MLLT10: variants seen among roughly 807,000 people sequenced by gnomAD.
MLLT10 encodes the protein protein AF-10.
A neutral mutation model predicts 129.1 loss-of-function variants in MLLT10; 30 were observed. That is an observed-to-expected ratio of 0.23 (90% CI 0.17 to 0.32). The LOEUF (loss-of-function observed/expected upper bound fraction) is 0.32, where lower values mean the gene tolerates loss of function less well. Ranked by LOEUF, MLLT10 falls within the 10% of genes least tolerant of loss-of-function variation. The pLI is 1.00. For missense variants in MLLT10, 1,119 were observed against 1,268.3 expected, an observed-to-expected ratio of 0.88 and a Z score of 1.79; for synonymous variants, 490 against 446.4, an observed-to-expected ratio of 1.10 and a Z score of -1.23.
chr10:21,717,602 TTCCTCTTCTTCC>T (rs1369592993), intron 14 of MLLT10, among the ~76,000 whole-genome samples: 1 of 125,264 alleles, frequency 8.0e-6, no homozygotes, highest in Non-Finnish European at 1.7e-5. Flanking sequence ...CTCTTCTTTC[TTCCTCTTCTTCC>T]TCCTCTTCCT....
intron 6 of MLLT10, among the ~76,000 whole-genome samples, chr10:21,613,698 T>C (rs1293540212): frequency 6.8e-6 from 1 of 148,130 alleles, no homozygotes; most frequent in East Asian, 2.0e-4. Context: ...AGCTCAGGAG[T>C]TCAGAGCCAC....
intron 14 of MLLT10, among the ~76,000 whole-genome samples, chr10:21,724,942 G>T (rs1434397945): frequency 6.6e-6 from 1 of 152,228 alleles, no homozygotes; most frequent in African/African-American, 2.4e-5. Flanking sequence ...AGTTAGTAGA[G>T]CTGGCTTGCT....
chr10:21,655,819 G>A (rs773682920), intron 9 of MLLT10, among the ~76,000 whole-genome samples: 1 of 152,138 alleles, frequency 6.6e-6, no homozygotes, highest in African/African-American at 2.4e-5. Flanking sequence ...TTTCAGGGTC[G>A]ATCTAAGTTT....
intron 9 of MLLT10, chr10:21,669,113 T>C (rs976170964): frequency 2.0e-5 from 25 of 1,269,954 alleles, no homozygotes; most frequent in Admixed American, 1.7e-4. Flanking sequence ...ATTTTTTTTT[T>C]CCTTTTAAAC....
At chr10:21,722,399 G>A (rs2057196058) in intron 14 of MLLT10, among the ~76,000 whole-genome samples, 1 of 152,156 alleles carries the variant, frequency 6.6e-6, no homozygotes, top group Non-Finnish European at 1.5e-5. Flanking sequence ...TTAGTAATTT[G>A]CTTTCAATGC....
Position 21,743,400 on chromosome 10 carries a change from A to G in MLLT10, c.*1417A>G, listed in dbSNP as rs566507766. ...TAATTGGTAGATTTAATTGAAAAGT[A>G]AAATTAATTTATTTTTATATGTTCA... On this transcript the variant is annotated 3_prime_UTR_variant, in exon 23 of 23. Transcript: ENST00000307729. 1.1e-4 allele frequency: 23 copies of G among 203,516 alleles called. No homozygotes were observed. The East Asian group carries it at 1.7e-3, about 15-fold the overall frequency. 12.6% of individuals were successfully genotyped at this position (203,516 alleles called of 1,614,324 possible). A position where few individuals can be genotyped will look rare whatever the true frequency, so the allele number is the denominator to read the frequency against.
intron 8 of MLLT10, among the ~76,000 whole-genome samples, chr10:21,619,029 T>TAC (rs66469025): frequency 0.077 from 11,055 of 143,728 alleles, 446 homozygotes; most frequent in African/African-American, 0.088. Context: ...CCTGGTGACA[T>TAC]ACACACACAC....
Position 21,733,570 on chromosome 10 carries a change from A to T in MLLT10, c.2474A>T (p.Asn825Ile). The change falls in exon 19 of 23, where the codon AAT becomes ATT. Residue 825 changes from asparagine to isoleucine, a missense_variant. Coordinates refer to ENST00000307729, the MANE Select transcript of MLLT10 (RefSeq NM_001195626.3). Reference sequence around the variant, plus strand: ...ATAGGAAACAGCTTTTTACCTGATAATTCTCTTCCTGTATTAAATCAGGTA... The same window carrying T: ...ATAGGAAACAGCTTTTTACCTGATATTTCTCTTCCTGTATTAAATCAGGTA... ...PHIGNSFLPD[N>I]SLPVLNQDLT... is the part of the protein sequence containing the mutation. 1 of 1,572,868 alleles carries T rather than the reference A, an allele frequency of 6.4e-7. No individual in the cohort carries two copies. Among genetic ancestry groups the T allele is most frequent in the Non-Finnish European group, 8.6e-7 (1 of 1,163,226 alleles).
At chr10:21,690,082 G>A (rs1447093452) in intron 13 of MLLT10, among the ~76,000 whole-genome samples, 3 of 152,112 alleles carry the variant, frequency 2.0e-5, no homozygotes, top group South Asian at 2.1e-4. Context: ...GGCCACTTAG[G>A]GGGTAGTAAC....
intron 13 of MLLT10, among the ~76,000 whole-genome samples, chr10:21,699,110 G>T (rs1293191017): frequency 6.6e-6 from 1 of 152,114 alleles, no homozygotes; most frequent in African/African-American, 2.4e-5. Context: ...CCTGACCTCA[G>T]GTGATCCACC....
intron 4 of MLLT10, among the ~76,000 whole-genome samples, chr10:21,588,176 C>A (rs560141196): frequency 6.6e-6 from 1 of 152,300 alleles, no homozygotes; most frequent in East Asian, 1.9e-4. Context: ...AAGCGATTCT[C>A]CTGCCTCAGC....
intron 8 of MLLT10, chr10:21,624,954 G>C: frequency 7.7e-7 from 1 of 1,305,854 alleles, no homozygotes; most frequent in Non-Finnish European, 1.1e-6. Context: ...CCCCCTTGGT[G>C]GTGGTGAAGC....
intron 5 of MLLT10, among the ~76,000 whole-genome samples, chr10:21,600,460 C>G (rs2043417302): frequency 6.6e-6 from 1 of 151,798 alleles, no homozygotes; most frequent in South Asian, 2.1e-4. Flanking sequence ...AAATTCCTGA[C>G]TTATGTTCAT....
intron 16 of MLLT10, 73 bp downstream of exon 16, chr10:21,728,001 C>A: frequency 3.3e-6 from 4 of 1,224,386 alleles, no homozygotes; most frequent in Admixed American, 1.9e-5. Flanking sequence ...TATCTCATAT[C>A]AGTAGAGTGT....
chr10:21,541,611 C>T (rs2035174124), intron 3 of MLLT10, among the ~76,000 whole-genome samples: 1 of 152,130 alleles, frequency 6.6e-6, no homozygotes, highest in Non-Finnish European at 1.5e-5. Context: ...GTCTCGATCT[C>T]CTGACCTCAG....
intron 9 of MLLT10, among the ~76,000 whole-genome samples, chr10:21,661,340 T>C (rs1303649660): frequency 6.6e-6 from 1 of 152,222 alleles, no homozygotes; most frequent in African/African-American, 2.4e-5. Flanking sequence ...ACTGTTGAGC[T>C]CAACTGTGTC....
intron 3 of MLLT10, among the ~76,000 whole-genome samples, chr10:21,541,622 G>A (rs1415697437): frequency 6.6e-6 from 1 of 152,120 alleles, no homozygotes; most frequent in Non-Finnish European, 1.5e-5. Flanking sequence ...CTGACCTCAG[G>A]TGATCTGCCT....
intron 9 of MLLT10, among the ~76,000 whole-genome samples, chr10:21,660,871 CAAA>C (rs770411226): frequency 0.29 from 23,120 of 80,736 alleles, 2,113 homozygotes; most frequent in Middle Eastern, 0.47. Flanking sequence ...AACTCTGTCT[CAAA>C]AAAAAAAAAA....
At chr10:21,696,539 T>C (rs1327540155) in intron 13 of MLLT10, among the ~76,000 whole-genome samples, 2 of 152,234 alleles carry the variant, frequency 1.3e-5, no homozygotes, top group Non-Finnish European at 2.9e-5. Flanking sequence ...TTTTTAGTCT[T>C]CATCTTAGAT....
Sources: allele counts gnomAD v4.1 joint callset (sites outside exome capture counted in the v4.1 genomes callset), GRCh38; gene constraint gnomAD v4.1.1; transcripts MANE v1.5; gene names NCBI Gene and HGNC (gene_info 2026-07-23, HGNC 2026-07-21).